FAM135B: variants seen among roughly 807,000 people sequenced by gnomAD.
The protein encoded by FAM135B is family with sequence similarity 135 member B.
In FAM135B, 43 loss-of-function variants were observed where a neutral mutation model predicts 127.7. The ratio of observed to expected loss-of-function variants is 0.34; its 90% confidence interval spans 0.26 to 0.43. The LOEUF is 0.43. Among genes scored for constraint, FAM135B ranks in the 20% least tolerant of loss-of-function variants. FAM135B has a pLI of 1.00. For synonymous variants in FAM135B, 670 were observed against 665.1 expected (o/e 1.01, Z -0.11); for missense variants, 1,558 against 1,725.6 (o/e 0.90, Z 1.72).
At chr8:138,485,982 T>G (rs915602045) in intron 1 of FAM135B, among the ~76,000 whole-genome samples, 1 of 152,046 alleles carries the variant, frequency 6.6e-6, no homozygotes, top group African/African-American at 2.4e-5. Context: ...GTCACCTACT[T>G]AGACTTGGAA....
intron 2 of FAM135B, among the ~76,000 whole-genome samples, chr8:138,351,325 G>C (rs1330811446): frequency 6.6e-6 from 1 of 152,144 alleles, no homozygotes; most frequent in African/African-American, 2.4e-5. Flanking sequence ...AATCTGACTG[G>C]TGTCCTTATA....
At chr8:138,233,820 C>T (rs1219298349) in intron 7 of FAM135B, among the ~76,000 whole-genome samples, 2 of 151,964 alleles carry the variant, frequency 1.3e-5, no homozygotes, top group Admixed American at 1.3e-4. Flanking sequence ...AATTCAACAA[C>T]AACAACAACA....
intron 1 of FAM135B, among the ~76,000 whole-genome samples, chr8:138,377,806 G>C (rs11782146): frequency 0.5 from 75,527 of 151,958 alleles, 20,784 homozygotes; most frequent in East Asian, 0.82. Context: ...AATTACTCTC[G>C]AAAGCATGTA....
chr8:138,200,906 G>A (rs1387370453), intron 7 of FAM135B, among the ~76,000 whole-genome samples: 1 of 152,196 alleles, frequency 6.6e-6, no homozygotes, highest in South Asian at 2.1e-4. Flanking sequence ...AGTGACATGT[G>A]CAAGGTCACT....
intron 9 of FAM135B, among the ~76,000 whole-genome samples, chr8:138,182,873 G>A (rs953615409): frequency 2.0e-5 from 3 of 152,230 alleles, no homozygotes; most frequent in Admixed American, 2.0e-4. Context: ...TTCTCTGAGG[G>A]TGTGGCCTAA....
chr8:138,372,577 T>C (rs772732267), intron 1 of FAM135B, among the ~76,000 whole-genome samples: 14 of 152,152 alleles, frequency 9.2e-5, no homozygotes, highest in Non-Finnish European at 1.9e-4. Context: ...CTCATTTTCC[T>C]TGTTTGTAAA....
At chr8:138,220,241 G>A (rs1818922810) in intron 7 of FAM135B, among the ~76,000 whole-genome samples, 1 of 152,138 alleles carries the variant, frequency 6.6e-6, no homozygotes, top group Admixed American at 6.5e-5. Context: ...TCTTGATTGG[G>A]TCACCTTTCT....
intron 3 of FAM135B, among the ~76,000 whole-genome samples, chr8:138,274,291 G>GA (rs1823636114): frequency 6.6e-6 from 1 of 152,156 alleles, no homozygotes; most frequent in African/African-American, 2.4e-5. Context: ...GCATCTGGGG[G>GA]AGACATCACA....
chr8:138,282,630 C>T (rs1824350288), intron 3 of FAM135B, among the ~76,000 whole-genome samples: 1 of 152,186 alleles, frequency 6.6e-6, no homozygotes, highest in Non-Finnish European at 1.5e-5. Flanking sequence ...CAGCGAGATA[C>T]TGTTACACAC....
chr8:138,224,946 G>A (rs1385097054), intron 7 of FAM135B, among the ~76,000 whole-genome samples: 1 of 151,858 alleles, frequency 6.6e-6, no homozygotes, highest in African/African-American at 2.4e-5. Context: ...AGGCGGGGAT[G>A]GAAAAAAAAG....
intron 2 of FAM135B, among the ~76,000 whole-genome samples, chr8:138,344,564 A>AATTT (rs1554670425): frequency 1.7e-5 from 2 of 114,298 alleles, no homozygotes; most frequent in Non-Finnish European, 3.6e-5. Flanking sequence ...CTCTTGCTAC[A>AATTT]CTTTCTTTCT....
At chr8:138,181,710 T>C (rs1191287944) in intron 9 of FAM135B, among the ~76,000 whole-genome samples, 1 of 151,944 alleles carries the variant, frequency 6.6e-6, no homozygotes, top group Non-Finnish European at 1.5e-5. Context: ...TTTTTTTCTC[T>C]AAATAATTTC....
intron 1 of FAM135B, among the ~76,000 whole-genome samples, chr8:138,445,903 C>A (rs911022436): frequency 1.3e-5 from 2 of 152,162 alleles, no homozygotes; most frequent in Non-Finnish European, 2.9e-5. Flanking sequence ...ATCTAGAAAA[C>A]CCCATCATCT....
chr8:138,395,413 C>T (rs529634736), intron 1 of FAM135B, among the ~76,000 whole-genome samples: 1 of 152,104 alleles, frequency 6.6e-6, no homozygotes, highest in African/African-American at 2.4e-5. Flanking sequence ...AGCTACAGAA[C>T]CAAAGGAGCT....
At chr8:138,402,968 C>G (rs1214777995) in intron 1 of FAM135B, among the ~76,000 whole-genome samples, 2 of 152,232 alleles carry the variant, frequency 1.3e-5, no homozygotes, top group East Asian at 3.9e-4. Flanking sequence ...TGATCTTTCT[C>G]TCTGCCACGT....
chr8:138,198,244 T>A (rs1222440642), intron 7 of FAM135B, among the ~76,000 whole-genome samples: 1 of 152,228 alleles, frequency 6.6e-6, no homozygotes, highest in Non-Finnish European at 1.5e-5. Flanking sequence ...ATGTAAGACA[T>A]GACTTTGCTC....
At chr8:138,454,839 G>T (rs1836688950) in intron 1 of FAM135B, among the ~76,000 whole-genome samples, 1 of 152,166 alleles carries the variant, frequency 6.6e-6, no homozygotes, top group South Asian at 2.1e-4. Context: ...AGCCTATGTT[G>T]CCCACAATGC....
chr8:138,473,099 T>C (rs1226319046), intron 1 of FAM135B, among the ~76,000 whole-genome samples: 3 of 152,154 alleles, frequency 2.0e-5, no homozygotes, highest in Non-Finnish European at 1.5e-5. Context: ...TTTCCACCTT[T>C]TGTTCCACAT....
intron 1 of FAM135B, among the ~76,000 whole-genome samples, chr8:138,430,562 C>T (rs1835140396): frequency 6.6e-6 from 1 of 152,176 alleles, no homozygotes. Context: ...CAAGAGGATA[C>T]ATTCCACAAG....
Sources: allele counts gnomAD v4.1 joint callset (sites outside exome capture counted in the v4.1 genomes callset), GRCh38; gene constraint gnomAD v4.1.1; transcripts MANE v1.5; gene names NCBI Gene and HGNC (gene_info 2026-07-23, HGNC 2026-07-21).